The following ADGRG1 variants were observed in gnomAD, a reference collection of about 807,000 sequenced individuals.
The protein encoded by ADGRG1 is adhesion G protein-coupled receptor G1, also known as 7-transmembrane protein with no EGF-like N-terminal domains-1.
Under a neutral mutation model 73.5 loss-of-function variants are expected in ADGRG1, and 53 were observed. That is an observed-to-expected ratio of 0.72 (90% CI 0.58 to 0.91). The LOEUF (loss-of-function observed/expected upper bound fraction) is 0.91, where lower values mean the gene tolerates loss of function less well. Among genes scored for constraint, ADGRG1 ranks in the 40% least tolerant of loss-of-function variants. The probability of loss-of-function intolerance (pLI) is 0.00; values close to 1 mark genes in which losing one functional copy is unlikely to be tolerated. For synonymous variants in ADGRG1, 394 were observed against 374.4 expected (o/e 1.05, Z -0.60); for missense variants, 795 against 871.8 (o/e 0.91, Z 1.11).
upstream of ADGRG1, chr16:57,628,232 C>T (rs534536277): frequency 4.2e-6 from 4 of 944,560 alleles, no homozygotes; most frequent in South Asian, 4.9e-5. Context: ...GGGCAGTTGT[C>T]GCCCTGACCT....
chr16:57,628,943 T>A, intron 1 of ADGRG1, 141 bp downstream of exon 1: 1 of 663,912 alleles, frequency 1.5e-6, no homozygotes, highest in Non-Finnish European at 1.8e-6. Context: ...AGTGTGAGCG[T>A]GAGAGTGTGA....
chr16:57,651,818 G>A, intron 3 of ADGRG1, 196 bp downstream of exon 3: 9 of 1,469,036 alleles, frequency 6.1e-6, no homozygotes, highest in Non-Finnish European at 8.1e-6. Context: ...ATGAACCACT[G>A]CGCTCGGCCC....
upstream of ADGRG1, chr16:57,626,472 C>G (rs1481086328): frequency 1.2e-5 from 5 of 408,878 alleles, no homozygotes; most frequent in Non-Finnish European, 9.9e-6. Flanking sequence ...TAGCCAGACT[C>G]AGAGCTGGGG....
chr16:57,645,407 G>A (rs2042363829), intron 1 of ADGRG1: 2 of 815,892 alleles, frequency 2.5e-6, no homozygotes, highest in Non-Finnish European at 1.4e-6. Context: ...CCCTTCTCCT[G>A]ATGTCTTTCA....
At chr16:57,638,614 G>C (rs150958653) in intron 1 of ADGRG1, among the ~76,000 whole-genome samples, 1 of 152,332 alleles carries the variant, frequency 6.6e-6, no homozygotes, top group African/African-American at 2.4e-5. Context: ...GGAGTTTTCA[G>C]AGAAATATGA....
chr16:57,646,389 C>A, intron 1 of ADGRG1: 7 of 984,198 alleles, frequency 7.1e-6, no homozygotes, highest in Non-Finnish European at 8.4e-6. Flanking sequence ...TCAGCTCAGA[C>A]AAACCCTGGC....
intron 1 of ADGRG1, chr16:57,639,834 A>G: frequency 1.1e-6 from 1 of 939,682 alleles, no homozygotes; most frequent in Non-Finnish European, 1.3e-6. Flanking sequence ...TCTCCCGTGC[A>G]TTCCCCTTCT....
At chr16:57,623,877 T>C (rs563702524), upstream of ADGRG1, 16 of 951,624 alleles carry the variant, frequency 1.7e-5, no homozygotes, top group East Asian at 5.8e-4. Context: ...GCAAAACACA[T>C]GGTCTGAGAT....
intron 1 of ADGRG1, chr16:57,644,207 T>A: frequency 1.0e-6 from 1 of 984,894 alleles, no homozygotes; most frequent in Non-Finnish European, 1.2e-6. Context: ...TCCCTGTGTA[T>A]GCACGGGCAC....
Position 57,653,196 on chromosome 16 carries a change from C to T in ADGRG1, c.488-7C>T. On this transcript the variant is annotated splice_polypyrimidine_tract_variant and splice_region_variant and intron_variant, in intron 3 of 13. Coordinates refer to ENST00000562631, the MANE Select transcript of ADGRG1 (RefSeq NM_201525.4). ...CCTCGGCGGGGGCCTGTCCACCCCT[C>T]CCCCAGGTCCTCCCCACACGGCCGC... The T allele has an allele frequency of 6.2e-7, 1 of 1,607,370 alleles. No homozygotes were observed. Among genetic ancestry groups the T allele is most frequent in the Non-Finnish European group, 8.5e-7 (1 of 1,179,878 alleles).
At chr16:57,631,725 C>T (rs75560689) in intron 1 of ADGRG1, 77,249 of 941,800 alleles carry the variant, frequency 0.082, 3,155 homozygotes, top group East Asian at 0.15. Context: ...TCTCTCAAAC[C>T]GGGTGGGGCG....
At position 57,653,348 on chromosome 16, in the gene ADGRG1, C is replaced by T; in HGVS notation, c.620+13C>T. 6.2e-7 allele frequency: 1 copy of T among 1,606,634 alleles called. No homozygotes were observed. Among genetic ancestry groups the T allele is most frequent in the Non-Finnish European group, 8.5e-7 (1 of 1,179,888 alleles). On this transcript the variant is annotated intron_variant, in intron 4 of 13. Transcript: ENST00000562631. Reference sequence around the variant, plus strand: ...CCCCCGCCAGCCAGTAAGTTTGGCACCTGGGGCTGTGAGGGGAGGCAGGAA... The same window carrying T: ...CCCCCGCCAGCCAGTAAGTTTGGCATCTGGGGCTGTGAGGGGAGGCAGGAA...
chr16:57,635,080 G>A lies in ADGRG1; in HGVS notation c.-36+6278G>A, dbSNP rs2039020006. ...GGACTGGAGTGAACAGGGAGAGGCT[G>A]AGGGAGGTCAGGAGGGCAGGACACC... On this transcript the variant is annotated intron_variant, in intron 1 of 13. Coordinates refer to ENST00000562631, the MANE Select transcript of ADGRG1 (RefSeq NM_201525.4). The A allele has an allele frequency of 2.0e-6, 2 of 985,228 alleles. 1 individual carries two copies. The highest frequency in any genetic ancestry group is 1.2e-4 in the Admixed American group (2 of 16,270). 61.0% of individuals were successfully genotyped at this position (985,228 alleles called of 1,614,324 possible).
intron 9 of ADGRG1, 125 bp downstream of exon 9, chr16:57,656,742 T>C (rs1427730528): frequency 1.3e-6 from 1 of 750,934 alleles, no homozygotes; most frequent in Non-Finnish European, 2.4e-6. Flanking sequence ...TCTATTGTTG[T>C]CCCATTTTAT....
At chr16:57,642,244 G>T in intron 1 of ADGRG1, 2 of 985,320 alleles carry the variant, frequency 2.0e-6, no homozygotes, top group Non-Finnish European at 2.4e-6. Context: ...TTTTCCCCAC[G>T]AGCTGGTGCT....
At chr16:57,654,271 G>T in intron 5 of ADGRG1, 138 bp downstream of exon 5, 1 of 826,042 alleles carries the variant, frequency 1.2e-6, no homozygotes, top group Non-Finnish European at 1.9e-6. Flanking sequence ...CAGGCCCGAG[G>T]ATAGCCATCC....
At chr16:57,645,654 A>G (rs1294783931) in intron 1 of ADGRG1, among the ~76,000 whole-genome samples, 1 of 152,120 alleles carries the variant, frequency 6.6e-6, no homozygotes, top group Non-Finnish European at 1.5e-5. Context: ...CCAAGCCTGC[A>G]GTATGTCCAT....
Position 57,659,456 on chromosome 16 carries a change from C to T in ADGRG1, c.1330C>T (p.Leu444=). The T allele has an allele frequency of 6.2e-7, 1 of 1,613,868 alleles. No individual in the cohort carries two copies. The highest frequency in any genetic ancestry group is 2.2e-5 in the East Asian group (1 of 44,880). ...CACCATCAAGGTGCACATGAACCTG[C>T]TGCTGGCCGTCTTCCTGCTGGACAC... ...DYTIKVHMNL[L]LAVFLLDTSF... Residue 444 remains leucine (L), a synonymous_variant, in exon 11 of 14, where the codon CTG becomes TTG. Coordinates refer to ENST00000562631, the MANE Select transcript of ADGRG1 (RefSeq NM_201525.4).
At chr16:57,651,159 C>A (rs764122401) in intron 2 of ADGRG1, 41 bp from the exon 3 acceptor site, 11 of 1,612,386 alleles carry the variant, frequency 6.8e-6, no homozygotes, top group Admixed American at 6.7e-5. Flanking sequence ...CTCTGGTCAG[C>A]CCCTGCCACG....
Sources: allele counts gnomAD v4.1 joint callset (sites outside exome capture counted in the v4.1 genomes callset), GRCh38; gene constraint gnomAD v4.1.1; transcripts MANE v1.5; gene names NCBI Gene and HGNC (gene_info 2026-07-23, HGNC 2026-07-21).